The following NPHP3 variants were observed in gnomAD, a reference collection of about 807,000 sequenced individuals.
NPHP3 encodes nephrocystin-3.
In NPHP3, 123 loss-of-function variants were observed where a neutral mutation model predicts 171.9. The observed-to-expected ratio is 0.72, with a 90% CI of 0.62 to 0.83. The LOEUF is 0.83. NPHP3 is among the 40% of genes least tolerant of loss of function. NPHP3 has a pLI of 0.00. For missense variants in NPHP3, 1,506 were observed against 1,591.9 expected, an observed-to-expected ratio of 0.95 and a Z score of 0.92; for synonymous variants, 558 against 579.2, an observed-to-expected ratio of 0.96 and a Z score of 0.52.
At chr3:132,699,184 A>G (rs1246500157) in intron 13 of NPHP3, among the ~76,000 whole-genome samples, 169 bp downstream of exon 13, 2 of 152,166 alleles carry the variant, frequency 1.3e-5, no homozygotes, top group Non-Finnish European at 1.5e-5. Context: ...CACACCATCT[A>G]TACAATTCTA....
At chr3:132,682,378 A>T (rs1026314092) in intron 26 of NPHP3, 1 of 549,310 alleles carries the variant, frequency 1.8e-6, no homozygotes, top group Non-Finnish European at 3.2e-6. Context: ...AAAAATACAA[A>T]TGAGCAAGCA....
intron 6 of NPHP3, among the ~76,000 whole-genome samples, chr3:132,710,952 C>A (rs1488288791): frequency 6.6e-6 from 1 of 152,186 alleles, no homozygotes; most frequent in African/African-American, 2.4e-5. Context: ...TCATTTCATA[C>A]ATCAAAACCA....
intron 3 of NPHP3, chr3:132,717,151 G>A: frequency 4.2e-5 from 18 of 428,206 alleles, no homozygotes; most frequent in South Asian, 6.2e-5. Flanking sequence ...AAATAAACAA[G>A]AATACAATAA....
chr3:132,694,136 T>G (rs1939381583), intron 16 of NPHP3, among the ~76,000 whole-genome samples: 1 of 151,984 alleles, frequency 6.6e-6, no homozygotes, highest in African/African-American at 2.4e-5. Flanking sequence ...CAGAAGAGCC[T>G]AGAAACAGAC....
chr3:132,713,608 A>G (rs1379619151), intron 5 of NPHP3, among the ~76,000 whole-genome samples: 1 of 152,170 alleles, frequency 6.6e-6, no homozygotes, highest in East Asian at 1.9e-4. Context: ...ACTATGAACA[A>G]TCTGTTTTAT....
At chr3:132,710,336 G>C (rs1326629616) in intron 6 of NPHP3, among the ~76,000 whole-genome samples, 3 of 150,086 alleles carry the variant, frequency 2.0e-5, no homozygotes, top group Non-Finnish European at 4.4e-5. Context: ...AAACTCTATA[G>C]GTGATCTGGT....
At position 132,699,939 on chromosome 3, in the gene NPHP3, A is replaced by C. The variant is rs982474783; in HGVS notation, c.1866T>G (p.Ile622Met). ...ARHQGSIIIVIDSIDQVQQVE... is the reference protein window; with the variant it reads ...ARHQGSIIIVMDSIDQVQQVE... ...GTACCTGAACTTGATCTATAGAATC[A>C]ATAACGATGATGATGCTGCCTTGAT... Residue 622 changes from isoleucine (I) to methionine (M), a missense_variant, in exon 12 of 27, where the codon ATT (isoleucine) becomes ATG (methionine). Around this residue, in one of 3 missense-constraint regions of NPHP3, gnomAD observed 930 missense variants for 924.9 expected, o/e 1.01. Transcript: ENST00000337331. The C allele has an allele frequency of 1.2e-6, 2 of 1,614,216 alleles. No individual in the cohort carries two copies. The highest frequency in any genetic ancestry group is 1.7e-6 in the Non-Finnish European group (2 of 1,180,044).
chr3:132,707,003 C>G (rs1373807874), intron 7 of NPHP3, among the ~76,000 whole-genome samples: 1 of 152,080 alleles, frequency 6.6e-6, no homozygotes, highest in Non-Finnish European at 1.5e-5. Context: ...TGCTTGTATT[C>G]ATATTTGATT....
At chr3:132,716,015 C>CTGTGGCCCATGGGCCTCA (rs11269961) in intron 4 of NPHP3, among the ~76,000 whole-genome samples, 35,324 of 123,696 alleles carry the variant, frequency 0.29, 4,860 homozygotes, top group East Asian at 0.67. Context: ...CTTCTCCAAT[C>CTGTGGCCCATGGGCCTCA]TGTGGCCCAG....
At chr3:132,696,338 G>C (rs1939453409) in intron 15 of NPHP3, among the ~76,000 whole-genome samples, 1 of 152,108 alleles carries the variant, frequency 6.6e-6, no homozygotes, top group Non-Finnish European at 1.5e-5. Context: ...AAGTTTATCA[G>C]GACTTGAGAA....
intron 6 of NPHP3, among the ~76,000 whole-genome samples, chr3:132,711,033 A>G (rs1175246190): frequency 2.0e-5 from 3 of 152,260 alleles, no homozygotes; most frequent in African/African-American, 7.2e-5. Context: ...ACTATCTTCA[A>G]ATAACTCTGT....
Position 132,704,360 on chromosome 3 carries a change from AC to A in NPHP3, c.1361del (p.Gly454ValfsTer63). 6.2e-7 allele frequency: 1 copy of A among 1,614,138 alleles called. No individual in the cohort carries two copies. The highest frequency in any genetic ancestry group is 8.5e-7 in the Non-Finnish European group (1 of 1,180,004). Reference protein sequence around the residue: ...VEKIIKQDILGFENTDLETKD... With the variant: ...VEKIIKQDILXFENTDLETKD... ...TAGTCTCCAAGTCTGTGTTCTCAAAACCCAGTATGTCCTAAACACAAAGAAC... is the reference window on the plus strand; with the variant it reads ...TAGTCTCCAAGTCTGTGTTCTCAAAACCAGTATGTCCTAAACACAAAGAAC... On this transcript the variant is annotated frameshift_variant, in exon 9 of 27. Coordinates refer to ENST00000337331, the MANE Select transcript of NPHP3 (RefSeq NM_153240.5). LOFTEE classifies it high-confidence loss of function.
At chr3:132,718,119 T>C (rs908658114) in intron 3 of NPHP3, 3 of 448,550 alleles carry the variant, frequency 6.7e-6, no homozygotes, top group African/African-American at 4.1e-5. Flanking sequence ...CCAATGATAC[T>C]ACAATGAAAA....
In NPHP3 at chr3:132,705,810, A is replaced by G. The variant is rs774834753; in HGVS notation, c.1280T>C (p.Ile427Thr). The G allele has an allele frequency of 6.7e-7, 1 of 1,485,716 alleles. No homozygotes were observed. The highest frequency in any genetic ancestry group is 2.3e-5 in the East Asian group (1 of 44,136). The allele number at this position is 1,485,716 out of a possible 1,614,324, so 92.0% of individuals were successfully genotyped here. ...NLNKTSKAKI[I>T]DHSGDPAEGV... ...TTCTGCAGGATCTCCTGAGTGATCA[A>G]TGATCTAGATAAAAATCATTTAAGA... Residue 427 changes from isoleucine to threonine, a missense_variant, in exon 8 of 27, where the codon ATT (isoleucine) becomes ACT (threonine). Ile to Thr is a moderately conservative substitution (Grantham distance 89). Coordinates refer to ENST00000337331, the MANE Select transcript of NPHP3 (RefSeq NM_153240.5).
chr3:132,705,751 T>C lies in NPHP3; in HGVS notation c.1339A>G (p.Ile447Val). Residue 447 changes from isoleucine to valine, a missense_variant, in exon 8 of 27, where the codon ATT becomes GTT. Transcript: ENST00000337331. ...VYKTYICVEK[I>V]IKQDILGFEN... ...GAATGCATATTTACCTGTTTAATAA[T>C]CTTTTCTACACAAATATAAGTTTTA... 1 of 1,406,326 alleles carries C rather than the reference T, an allele frequency of 7.1e-7. No homozygotes were observed. The allele number at this position is 1,406,326 out of a possible 1,614,324, so 87.1% of individuals were successfully genotyped here. A position where few individuals can be genotyped will look rare whatever the true frequency, so the allele number is the denominator to read the frequency against.
chr3:132,699,006 C>T (rs1324436218), intron 13 of NPHP3, among the ~76,000 whole-genome samples: 1 of 152,160 alleles, frequency 6.6e-6, no homozygotes. Flanking sequence ...GATTCTCCTG[C>T]CTCAGCCTTC....
At chr3:132,692,105 C>T (rs1939314082) in intron 17 of NPHP3, among the ~76,000 whole-genome samples, 1 of 152,278 alleles carries the variant, frequency 6.6e-6, no homozygotes, top group South Asian at 2.1e-4. Context: ...TACACAAATA[C>T]TTACAGTTAC....
At chr3:132,707,838 C>T (rs532264034) in intron 7 of NPHP3, among the ~76,000 whole-genome samples, 14 of 152,256 alleles carry the variant, frequency 9.2e-5, no homozygotes, top group Non-Finnish European at 8.8e-5. Flanking sequence ...CAGATGATCA[C>T]GCCAGCCCTC....
chr3:132,692,615 TTAAA>T (rs762407949), intron 17 of NPHP3, 35 bp downstream of exon 17: 18 of 1,588,080 alleles, frequency 1.1e-5, no homozygotes, highest in East Asian at 2.3e-5. Flanking sequence ...ACCCTGTTTC[TTAAA>T]TAAATAAATA....
Sources: gnomAD v4.1 joint callset for allele counts (sites outside exome capture counted in the v4.1 genomes callset) on GRCh38, gnomAD v4.1.1 for gene constraint, gnomAD v4.1.1 regional missense constraint, MANE v1.5 for transcripts, NCBI Gene and HGNC (gene_info 2026-07-23, HGNC 2026-07-21) for gene names.